The following VRTN variants were observed in gnomAD, a reference collection of about 807,000 sequenced individuals.
VRTN encodes the protein vertnin.
A neutral mutation model predicts 18.2 loss-of-function variants in VRTN; 5 were observed. That is an observed-to-expected ratio of 0.27 (90% CI 0.14 to 0.58). The LOEUF (loss-of-function observed/expected upper bound fraction) is 0.58. Ranked by LOEUF, VRTN falls within the 20% of genes least tolerant of loss-of-function variation. VRTN has a pLI of 0.91. For missense variants in VRTN, 741 were observed against 939.4 expected, an observed-to-expected ratio of 0.79 and a Z score of 2.76; for synonymous variants, 381 against 393.7, an observed-to-expected ratio of 0.97 and a Z score of 0.38.
intron 1 of VRTN, among the ~76,000 whole-genome samples, chr14:74,304,152 T>TTTTTTG (rs1251532959): frequency 2.4e-4 from 37 of 151,136 alleles, no homozygotes; most frequent in Non-Finnish European, 4.7e-4. Context: ...CTCCTGGCCT[T>TTTTTTG]TTTTTGTTTT....
intron 1 of VRTN, among the ~76,000 whole-genome samples, chr14:74,352,371 G>T (rs1425974928): frequency 6.6e-6 from 1 of 151,308 alleles, no homozygotes; most frequent in Non-Finnish European, 1.5e-5. Flanking sequence ...TAGAGATGGG[G>T]TTTCACCATC....
chr14:74,353,732 T>C (rs2085702811), intron 1 of VRTN, among the ~76,000 whole-genome samples: 1 of 152,164 alleles, frequency 6.6e-6, no homozygotes, highest in African/African-American at 2.4e-5. Flanking sequence ...AAACTACTTT[T>C]TTTTTTTTGA....
chr14:74,308,042 G>A (rs1358587738), intron 1 of VRTN, among the ~76,000 whole-genome samples: 2 of 152,048 alleles, frequency 1.3e-5, no homozygotes, highest in Non-Finnish European at 2.9e-5. Flanking sequence ...CTTAAAATTA[G>A]TTCAAATTTC....
intron 1 of VRTN, among the ~76,000 whole-genome samples, chr14:74,329,052 C>T (rs887802234): frequency 1.3e-5 from 2 of 152,160 alleles, no homozygotes; most frequent in Non-Finnish European, 2.9e-5. Flanking sequence ...GGGCGGATCA[C>T]CTGAGGTTGG....
intron 1 of VRTN, among the ~76,000 whole-genome samples, chr14:74,350,683 G>C (rs895192976): frequency 6.6e-6 from 1 of 152,206 alleles, no homozygotes; most frequent in Non-Finnish European, 1.5e-5. Context: ...AAGCTGTGTG[G>C]TCTTGCGAAA....
chr14:74,356,385 T>C (rs28750123), intron 1 of VRTN, among the ~76,000 whole-genome samples: 13,657 of 152,144 alleles, frequency 0.09, 802 homozygotes, highest in African/African-American at 0.14. Flanking sequence ...GGTTTCACCA[T>C]GTTGGCCAGG....
At chr14:74,317,017 G>T (rs534007095) in intron 1 of VRTN, among the ~76,000 whole-genome samples, 1 of 152,100 alleles carries the variant, frequency 6.6e-6, no homozygotes, top group Non-Finnish European at 1.5e-5. Flanking sequence ...GAGAGTGATA[G>T]GAAATGCACA....
chr14:74,356,969 C>T lies in VRTN; in HGVS notation c.186C>T (p.Ala62=), dbSNP rs375149305. The change falls in exon 2 of 2, where the codon GCC becomes GCT. Residue 62 remains alanine (A), a synonymous_variant. Transcript: ENST00000256362. The part of the protein sequence containing the change: ...GLQVLEVDSV[A]LSLYPEDAPR... ...AGGTGCTGGAAGTGGACTCGGTGGC[C>T]CTGAGCCTGTATCCAGAAGATGCTC... is the stretch of plus-strand genomic sequence containing the variant. The T allele has an allele frequency of 6.2e-7, 1 of 1,613,306 alleles. No homozygotes were observed. The highest frequency in any genetic ancestry group is 1.3e-5 in the African/African-American group (1 of 75,020).
At chr14:74,313,939 C>CAA (rs2085403768) in intron 1 of VRTN, among the ~76,000 whole-genome samples, 1 of 151,842 alleles carries the variant, frequency 6.6e-6, no homozygotes, top group African/African-American at 2.4e-5. Flanking sequence ...GTCTCAAAAA[C>CAA]AAAAAACGAA....
Position 74,357,427 on chromosome 14 carries a change from C to G in VRTN, c.644C>G (p.Pro215Arg). The G allele has an allele frequency of 6.2e-7, 1 of 1,612,526 alleles. No individual in the cohort carries two copies. Among genetic ancestry groups the G allele is most frequent in the Non-Finnish European group, 8.5e-7 (1 of 1,180,010 alleles). ...CGGCCCCGCCGCTGCGACCACGTGCCCTCCACGCTGCACATCATGTGGGCT... is the reference window on the plus strand; with the variant it reads ...CGGCCCCGCCGCTGCGACCACGTGCGCTCCACGCTGCACATCATGTGGGCT... ...VIRPRRCDHV[P>R]STLHIMWAGQ... Residue 215 changes from proline (P) to arginine (R), a missense_variant, in exon 2 of 2, where the codon CCC (proline) becomes CGC (arginine). By Grantham distance (103) the Pro-to-Arg change is moderately radical. Coordinates refer to ENST00000256362, the MANE Select transcript of VRTN (RefSeq NM_018228.3). This position sits in a 1 kb window ranked among gnomAD's most constrained non-coding sequence, Gnocchi z 7.8.
Position 74,357,961 on chromosome 14 carries a change from C to T in VRTN, c.1178C>T (p.Ala393Val), listed in dbSNP as rs138416499. ...AEEELECSAL[A>V]VSSPGMVLMQ... ...GAGGAGCTGGAGTGCTCCGCACTGGCGGTGTCAAGCCCTGGAATGGTCTTA... is the reference window on the plus strand; with the variant it reads ...GAGGAGCTGGAGTGCTCCGCACTGGTGGTGTCAAGCCCTGGAATGGTCTTA... Residue 393 changes from alanine to valine, a missense_variant, in exon 2 of 2, where the codon GCG becomes GTG. Physicochemically the swap from Ala to Val is moderately conservative, Grantham distance 64 (BLOSUM62 0). Around this residue, in one of 3 missense-constraint regions of VRTN, gnomAD observed 494 missense variants for 546.5 expected, o/e 0.90. Transcript: ENST00000256362. The surrounding 1 kb of genome is among the most constrained non-coding windows in gnomAD (Gnocchi z 7.8). The T allele has an allele frequency of 2.1e-4, 340 of 1,614,064 alleles. No homozygotes were observed. Among genetic ancestry groups the T allele is most frequent in the Non-Finnish European group, 2.7e-4 (316 of 1,180,050 alleles).
intron 1 of VRTN, chr14:74,306,173 T>TGTATG (rs1491480014): frequency 2.1e-5 from 1 of 48,036 alleles, no homozygotes; most frequent in African/African-American, 1.0e-4. Flanking sequence ...TATATATATA[T>TGTATG]TTTTTTTTTT....
intron 1 of VRTN, among the ~76,000 whole-genome samples, chr14:74,312,483 C>T (rs113437112): frequency 0.039 from 5,904 of 152,196 alleles, 220 homozygotes; most frequent in Admixed American, 0.096. Context: ...GAAAGTCTCA[C>T]TCTGTAGTCC....
chr14:74,349,858 C>T (rs1042524129), intron 1 of VRTN, among the ~76,000 whole-genome samples: 1 of 152,138 alleles, frequency 6.6e-6, no homozygotes, highest in Non-Finnish European at 1.5e-5. Context: ...TGGCTGGATG[C>T]CTCTGGATGT....
intron 1 of VRTN, chr14:74,306,609 T>C (rs1225921565): frequency 2.7e-5 from 4 of 148,198 alleles, no homozygotes; most frequent in Non-Finnish European, 6.0e-5. Flanking sequence ...TGTGTATGTG[T>C]GGTTTTTTTT....
In VRTN at chr14:74,306,179, T is replaced by A. The variant is rs1241914307; in HGVS notation, c.-164+3003T>A. ...ATATATATATATATATATATTTTTT[T>A]TTTTTTTTTGAGACAGAGTCTTGCT... On this transcript the variant is annotated intron_variant, in intron 1 of 2. Coordinates refer to the VRTN transcript ENST00000557177. The A allele has an allele frequency of 3.6e-3, 494 of 138,332 alleles. 10 individuals carry two copies. The highest frequency in any genetic ancestry group is 0.013 in the African/African-American group (468 of 36,570). 8.6% of individuals were successfully genotyped at this position (138,332 alleles called of 1,614,324 possible).
intron 1 of VRTN, among the ~76,000 whole-genome samples, chr14:74,311,401 C>T (rs1353813679): frequency 6.6e-6 from 1 of 151,830 alleles, no homozygotes; most frequent in Non-Finnish European, 1.5e-5. Flanking sequence ...TTTAAACACT[C>T]TGCCTTGCAG....
chr14:74,324,403 A>T (rs1009947443), intron 1 of VRTN, among the ~76,000 whole-genome samples: 34 of 151,482 alleles, frequency 2.2e-4, no homozygotes, highest in African/African-American at 8.2e-4. Context: ...AAAAAAAAAA[A>T]AAAAAGAAGG....
intron 1 of VRTN, among the ~76,000 whole-genome samples, chr14:74,322,390 T>C (rs2140197425): frequency 6.6e-6 from 1 of 152,202 alleles, no homozygotes; most frequent in South Asian, 2.1e-4. Context: ...GCTCGAGTGA[T>C]TGTCCCTCCT....
Sources: allele counts gnomAD v4.1 joint callset (sites outside exome capture counted in the v4.1 genomes callset), GRCh38; gene constraint gnomAD v4.1.1; regional missense constraint gnomAD v4.1.1; non-coding constraint Gnocchi (gnomAD v3.1); transcripts MANE v1.5; gene names NCBI Gene and HGNC (gene_info 2026-07-23, HGNC 2026-07-21).